PDZD2: variants seen among roughly 807,000 people sequenced by gnomAD.
The protein encoded by PDZD2 is PDZ domain containing 2, also known as PDZ domain-containing protein 2.
Under a neutral mutation model 220.7 loss-of-function variants are expected in PDZD2, and 90 were observed. That is an observed-to-expected ratio of 0.41 (90% confidence interval 0.34 to 0.49). The LOEUF is 0.49. Ranked by LOEUF, PDZD2 falls within the 20% of genes least tolerant of loss-of-function variation. PDZD2 has a pLI of 0.28. For missense variants in PDZD2, 3,174 were observed against 3,608.5 expected (o/e 0.88, Z 3.08); for synonymous variants, 1,375 against 1,450.5 (o/e 0.95, Z 1.18).
chr5:31,928,328 C>A (rs1744970355), intron 2 of PDZD2, among the ~76,000 whole-genome samples: 1 of 152,184 alleles, frequency 6.6e-6, no homozygotes, highest in Non-Finnish European at 1.5e-5. Flanking sequence ...CTTGGCCTCT[C>A]AAGGTGCTGG....
intron 1 of PDZD2, among the ~76,000 whole-genome samples, chr5:31,691,134 G>A (rs750785327): frequency 6.6e-6 from 1 of 152,192 alleles, no homozygotes. Context: ...TCCTTCTGAC[G>A]TTCGGATGCA....
At chr5:31,642,079 G>T (rs953129214) in intron 1 of PDZD2, among the ~76,000 whole-genome samples, 1 of 152,092 alleles carries the variant, frequency 6.6e-6, no homozygotes, top group Non-Finnish European at 1.5e-5. Flanking sequence ...GATCATGTGG[G>T]CCTAAGTGAC....
At chr5:31,987,612 T>G (rs1415153445) in intron 3 of PDZD2, among the ~76,000 whole-genome samples, 5 of 152,214 alleles carry the variant, frequency 3.3e-5, no homozygotes, top group Admixed American at 2.6e-4. Flanking sequence ...CTGAGTTTTG[T>G]GCCAACTGCC....
intron 1 of PDZD2, among the ~76,000 whole-genome samples, chr5:31,663,538 G>A (rs1745863473): frequency 3.3e-5 from 5 of 152,166 alleles, no homozygotes; most frequent in Admixed American, 3.3e-4. Flanking sequence ...TAAGAAGCGT[G>A]CCTTCTCTGT....
intron 1 of PDZD2, among the ~76,000 whole-genome samples, chr5:31,722,305 C>T (rs1748856502): frequency 6.6e-6 from 1 of 152,184 alleles, no homozygotes; most frequent in Admixed American, 6.5e-5. Flanking sequence ...CCACACTAAC[C>T]TTCAAGCCAT....
At chr5:31,960,941 C>T (rs766934294) in intron 2 of PDZD2, among the ~76,000 whole-genome samples, 9 of 151,758 alleles carry the variant, frequency 5.9e-5, no homozygotes, top group Non-Finnish European at 1.2e-4. Flanking sequence ...GTGTAGGGAC[C>T]GACTGACTTA....
chr5:31,747,078 G>A (rs1196942556), intron 1 of PDZD2, among the ~76,000 whole-genome samples: 2 of 152,202 alleles, frequency 1.3e-5, no homozygotes. Context: ...GGGAGGCTGA[G>A]GCAGGAGAAT....
Position 32,074,314 on chromosome 5 carries a change from C to T in PDZD2, c.3208C>T (p.Pro1070Ser), listed in dbSNP as rs1341480532. ...CTCTGCAGAGGCCCCCAAGGGGAGCCCTGGAAGCTGGTGGAAGAAGGAACT... is the reference window on the plus strand; with the variant it reads ...CTCTGCAGAGGCCCCCAAGGGGAGCTCTGGAAGCTGGTGGAAGAAGGAACT... The part of the protein sequence containing the change: ...TDSAEAPKGS[P>S]GSWWKKELSG... Residue 1070 changes from proline to serine, a missense_variant, in exon 18 of 25, where the codon CCT becomes TCT. Pro to Ser is a moderately conservative substitution (Grantham distance 74). Transcript: ENST00000438447. The T allele has an allele frequency of 6.2e-7, 1 of 1,614,052 alleles. No individual in the cohort carries two copies. The highest frequency in any genetic ancestry group is 8.5e-7 in the Non-Finnish European group (1 of 1,180,036).
At chr5:31,908,782 C>T (rs1161017441) in intron 2 of PDZD2, 13 of 802,226 alleles carry the variant, frequency 1.6e-5, no homozygotes, top group Middle Eastern at 3.8e-4. Flanking sequence ...TGGTGGCTCA[C>T]GCCTATAATC....
chr5:31,651,735 G>A (rs1745357618), intron 1 of PDZD2, among the ~76,000 whole-genome samples: 1 of 151,974 alleles, frequency 6.6e-6, no homozygotes, highest in South Asian at 2.1e-4. Context: ...AGGCTCAAGT[G>A]ATTCTCCCAC....
At chr5:31,690,356 A>G (rs76523998) in intron 1 of PDZD2, among the ~76,000 whole-genome samples, 140 of 152,200 alleles carry the variant, frequency 9.2e-4, no homozygotes, top group African/African-American at 3.2e-3. Flanking sequence ...GGATGTGCTT[A>G]GGAAGGGCCA....
In PDZD2 at chr5:32,102,333, G is replaced by A. The variant is rs550775185; in HGVS notation, c.8353+1094G>A. On this transcript the variant is annotated intron_variant, in intron 24 of 24. Coordinates refer to ENST00000438447, the MANE Select transcript of PDZD2 (RefSeq NM_178140.4). The stretch of plus-strand genomic sequence containing the variant: ...GAGCAGGGGCTCAGCACCCCTGTGG[G>A]CAGCCAGAGCGAAGCATCTCGTGAT... Among the ~76,000 whole-genome samples, 3 of 151,998 alleles carry A rather than the reference G, an allele frequency of 2.0e-5. No individual in the cohort carries two copies. In the South Asian group the frequency reaches 6.2e-4, roughly 32 times the overall value.
intron 2 of PDZD2, among the ~76,000 whole-genome samples, chr5:31,908,093 AAAAAAAAAAAAAAAAG>A (rs1742830557): frequency 7.0e-6 from 1 of 141,984 alleles, no homozygotes; most frequent in African/African-American, 2.5e-5. Context: ...AAAAAAAAAA[AAAAAAAAAAAAAAAAG>A]AAAGAAAAGG....
At chr5:32,052,982 G>C (rs576145949) in intron 9 of PDZD2, among the ~76,000 whole-genome samples, 1 of 152,170 alleles carries the variant, frequency 6.6e-6, no homozygotes, top group South Asian at 2.1e-4. Flanking sequence ...AGCCACACAT[G>C]TTCTTTAAAT....
chr5:32,029,329 T>TAAAAAAAAAAAAAAAAA (rs34025632), intron 6 of PDZD2, among the ~76,000 whole-genome samples: 1 of 65,840 alleles, frequency 1.5e-5, no homozygotes, highest in African/African-American at 5.9e-5. Context: ...TCAAGAACTG[T>TAAAAAAAAAAAAAAAAA]AAAAAAAAAA....
rs1161915088 is a variant in PDZD2 at position 32,087,332 on chromosome 5, A to G, written c.3884A>G (p.Lys1295Arg). Reference sequence around the variant, plus strand: ...GAGGGCAGCCCCTCCCCGGGGGAGAAAGCAGCGGCTCCCCCTGACTACAGC... The same window carrying G: ...GAGGGCAGCCCCTCCCCGGGGGAGAGAGCAGCGGCTCCCCCTGACTACAGC... ...PHEGSPSPGEKAAAPPDYSKT... is the reference protein window; with the variant it reads ...PHEGSPSPGERAAAPPDYSKT... The change falls in exon 20 of 25, where the codon AAA becomes AGA. Residue 1295 changes from lysine (K) to arginine (R), a missense_variant. Lys to Arg is a conservative substitution (Grantham distance 26). Coordinates refer to ENST00000438447, the MANE Select transcript of PDZD2 (RefSeq NM_178140.4). The surrounding 1 kb of genome is among the most constrained non-coding windows in gnomAD (Gnocchi z 4.0). 1 of 1,613,968 alleles carries G rather than the reference A, an allele frequency of 6.2e-7. No homozygotes were observed. The highest frequency in any genetic ancestry group is 8.5e-7 in the Non-Finnish European group (1 of 1,179,962).
At chr5:31,753,336 G>C (rs1424970451) in intron 1 of PDZD2, among the ~76,000 whole-genome samples, 1 of 152,208 alleles carries the variant, frequency 6.6e-6, no homozygotes, top group Non-Finnish European at 1.5e-5. Context: ...GTAAATAAGA[G>C]AGCCTGTGCC....
intron 3 of PDZD2, among the ~76,000 whole-genome samples, chr5:31,988,693 T>G (rs1396811317): frequency 6.6e-6 from 1 of 151,424 alleles, no homozygotes; most frequent in Non-Finnish European, 1.5e-5. Flanking sequence ...GTCTGGAAGC[T>G]ATCCCTGATA....
intron 1 of PDZD2, among the ~76,000 whole-genome samples, chr5:31,753,167 A>G (rs185154726): frequency 4.9e-4 from 75 of 152,374 alleles, no homozygotes; most frequent in Admixed American, 4.8e-3. Flanking sequence ...TGAGATAAAT[A>G]TAAGAAAAAT....
Sources: gnomAD v4.1 joint callset for allele counts (sites outside exome capture counted in the v4.1 genomes callset) on GRCh38, gnomAD v4.1.1 for gene constraint, Gnocchi (gnomAD v3.1) non-coding constraint, MANE v1.5 for transcripts, NCBI Gene and HGNC (gene_info 2026-07-23, HGNC 2026-07-21) for gene names.